The following NALF1 variants were observed in gnomAD, a reference collection of about 807,000 sequenced individuals.
The protein encoded by NALF1 is NALCN channel auxiliary factor 1.
NALF1 carries 3 observed loss-of-function variants against 48.4 expected under a neutral mutation model. The observed-to-expected ratio is 0.06, with a 90% CI of 0.03 to 0.16. NALF1 has a LOEUF of 0.16. NALF1 is among the 10% of genes least tolerant of loss of function. The probability of loss-of-function intolerance (pLI) is 1.00; values close to 1 mark genes in which losing one functional copy is unlikely to be tolerated. For missense variants in NALF1, 526 were observed against 571.5 expected, an observed-to-expected ratio of 0.92 and a Z score of 0.81; for synonymous variants, 262 against 245.7, an observed-to-expected ratio of 1.07 and a Z score of -0.62.
intron 1 of NALF1, among the ~76,000 whole-genome samples, chr13:107,603,442 T>C (rs1878985815): frequency 6.6e-6 from 1 of 152,220 alleles, no homozygotes; most frequent in Non-Finnish European, 1.5e-5. Flanking sequence ...TAATGAGTTA[T>C]TGTTTTTAGA....
intron 1 of NALF1, among the ~76,000 whole-genome samples, chr13:107,314,116 T>A (rs1423844504): frequency 6.6e-6 from 1 of 152,140 alleles, no homozygotes; most frequent in Non-Finnish European, 1.5e-5. Context: ...AGCAAGTCAC[T>A]GACTGTGATT....
intron 1 of NALF1, among the ~76,000 whole-genome samples, chr13:107,727,111 A>T (rs1331153230): frequency 6.6e-6 from 1 of 152,138 alleles, no homozygotes; most frequent in Non-Finnish European, 1.5e-5. Context: ...ATGATACAAG[A>T]GACTGCCCAT....
intron 1 of NALF1, among the ~76,000 whole-genome samples, chr13:107,608,240 T>C (rs997641204): frequency 2.0e-5 from 3 of 152,098 alleles, no homozygotes; most frequent in South Asian, 2.1e-4. Flanking sequence ...GATCCAGACA[T>C]AATATTGTGA....
intron 1 of NALF1, among the ~76,000 whole-genome samples, chr13:107,231,679 T>G (rs1462579669): frequency 6.6e-6 from 1 of 152,232 alleles, no homozygotes; most frequent in African/African-American, 2.4e-5. Flanking sequence ...AAAAATTATC[T>G]TTTTCCTTGA....
Position 107,165,137 on chromosome 13 carries a change from A to G in NALF1, c.*5360T>C, listed in dbSNP as rs1247143335. 2 of 152,188 alleles carry G rather than the reference A, an allele frequency of 1.3e-5. No individual in the cohort carries two copies. The highest frequency in any genetic ancestry group is 4.8e-5 in the African/African-American group (2 of 41,446). 9.4% of individuals were successfully genotyped at this position (152,188 alleles called of 1,614,324 possible). ...CATTAAAAATAAAAATTAAAAATCT[A>G]TATTTTATTAAAATATTCCCATAGA... On this transcript the variant is annotated 3_prime_UTR_variant, in exon 3 of 3. Coordinates refer to ENST00000375915, the MANE Select transcript of NALF1 (RefSeq NM_001080396.3).
intron 1 of NALF1, among the ~76,000 whole-genome samples, chr13:107,540,610 G>A (rs915430912): frequency 2.0e-5 from 3 of 152,118 alleles, no homozygotes; most frequent in Non-Finnish European, 2.9e-5. Flanking sequence ...AATTTCCACA[G>A]TGACTGCTGG....
chr13:107,792,323 A>C (rs1017250773), intron 1 of NALF1, among the ~76,000 whole-genome samples: 1 of 152,210 alleles, frequency 6.6e-6, no homozygotes, highest in African/African-American at 2.4e-5. Flanking sequence ...GTAAAATTAT[A>C]ATAGATTTTT....
At chr13:107,411,603 G>A (rs995617891) in intron 1 of NALF1, among the ~76,000 whole-genome samples, 7 of 152,090 alleles carry the variant, frequency 4.6e-5, no homozygotes, top group East Asian at 1.9e-4. Context: ...CGTCATTGTC[G>A]TACTCTTCAC....
chr13:107,403,945 C>T (rs529306019), intron 1 of NALF1, among the ~76,000 whole-genome samples: 42 of 152,096 alleles, frequency 2.8e-4, no homozygotes, highest in African/African-American at 9.4e-4. Flanking sequence ...TGACATAAAA[C>T]GAAGCCTGAT....
chr13:107,443,778 G>T (rs1924174), intron 1 of NALF1, among the ~76,000 whole-genome samples: 36,367 of 151,896 alleles, frequency 0.24, 4,849 homozygotes, highest in East Asian at 0.33. Context: ...TGCTAGGTTG[G>T]TGTTATTAAA....
intron 1 of NALF1, among the ~76,000 whole-genome samples, chr13:107,588,514 T>C (rs1445685764): frequency 6.6e-6 from 1 of 152,058 alleles, no homozygotes; most frequent in Non-Finnish European, 1.5e-5. Flanking sequence ...TGGGCATACG[T>C]GAAAGACAGA....
chr13:107,215,406 G>T lies in NALF1; in HGVS notation c.916-4651C>A, dbSNP rs942489530. ...AGCTGAGAATCCCTTGGTCACACAGGCCTGTTTGAAGAGGTGATCAGGGAG... is the reference window on the plus strand; with the variant it reads ...AGCTGAGAATCCCTTGGTCACACAGTCCTGTTTGAAGAGGTGATCAGGGAG... On this transcript the variant is annotated intron_variant, in intron 1 of 2. Transcript: ENST00000375915. Among the ~76,000 whole-genome samples, 4 of 152,114 alleles carry T rather than the reference G, an allele frequency of 2.6e-5. No homozygotes were observed. The South Asian group carries it at 8.3e-4, about 32-fold the overall frequency.
intron 1 of NALF1, among the ~76,000 whole-genome samples, chr13:107,766,974 A>C (rs1264203824): frequency 6.6e-6 from 1 of 152,230 alleles, no homozygotes; most frequent in Non-Finnish European, 1.5e-5. Context: ...TAAAGGAAGC[A>C]GGCAACTGAC....
At chr13:107,221,462 T>G (rs1489668086) in intron 1 of NALF1, among the ~76,000 whole-genome samples, 2 of 151,962 alleles carry the variant, frequency 1.3e-5, no homozygotes, top group Non-Finnish European at 2.9e-5. Context: ...TGCCTGTAAT[T>G]CCAGCTACTT....
intron 1 of NALF1, among the ~76,000 whole-genome samples, chr13:107,304,054 C>T (rs936050909): frequency 6.6e-6 from 1 of 152,078 alleles, no homozygotes; most frequent in Non-Finnish European, 1.5e-5. Flanking sequence ...ATCGTTTAGC[C>T]TACATGATTC....
intron 1 of NALF1, among the ~76,000 whole-genome samples, chr13:107,687,464 G>GA (rs1197143308): frequency 1.3e-3 from 138 of 105,864 alleles, no homozygotes; most frequent in Admixed American, 3.4e-3. Flanking sequence ...AATCTAAAAA[G>GA]AAAAAAAAAA....
chr13:107,738,370 C>T (rs1246095683), intron 1 of NALF1, among the ~76,000 whole-genome samples: 1 of 152,156 alleles, frequency 6.6e-6, no homozygotes, highest in Non-Finnish European at 1.5e-5. Flanking sequence ...GATCTTAAAT[C>T]CATTGGTCCA....
At chr13:107,390,997 T>C (rs932735247) in intron 1 of NALF1, among the ~76,000 whole-genome samples, 1 of 152,156 alleles carries the variant, frequency 6.6e-6, no homozygotes, top group African/African-American at 2.4e-5. Context: ...ATCTACCATG[T>C]GCCAGGCATC....
At chr13:107,396,035 C>T (rs1011770505) in intron 1 of NALF1, among the ~76,000 whole-genome samples, 3 of 152,134 alleles carry the variant, frequency 2.0e-5, no homozygotes, top group Non-Finnish European at 4.4e-5. Context: ...TATTTATTTT[C>T]TCACAGTTCT....
Sources: gnomAD v4.1 joint callset for allele counts (sites outside exome capture counted in the v4.1 genomes callset) on GRCh38, gnomAD v4.1.1 for gene constraint, MANE v1.5 for transcripts, NCBI Gene and HGNC (gene_info 2026-07-23, HGNC 2026-07-21) for gene names.